CNBD1: variants seen among roughly 807,000 people sequenced by gnomAD.
The protein encoded by CNBD1 is cyclic nucleotide-binding domain-containing protein 1.
A neutral mutation model predicts 54.4 loss-of-function variants in CNBD1; 71 were observed. The ratio of observed to expected loss-of-function variants is 1.30; its 90% CI spans 1.08 to 1.59. The LOEUF (loss-of-function observed/expected upper bound fraction) is 1.59, where lower values mean the gene tolerates loss of function less well. Ranked by LOEUF, CNBD1 falls within the 40% of genes most tolerant of loss-of-function variation. The pLI is 0.00. For missense variants in CNBD1, 659 were observed against 518.0 expected (o/e 1.27, Z -2.64); for synonymous variants, 182 against 170.7 (o/e 1.07, Z -0.51).
intron 4 of CNBD1, among the ~76,000 whole-genome samples, chr8:87,188,663 T>A (rs1784615217): frequency 6.6e-6 from 1 of 151,164 alleles, no homozygotes; most frequent in South Asian, 2.1e-4. Flanking sequence ...GAGGTGGAGG[T>A]TGCAGTGAGC....
At chr8:87,418,235 A>G (rs1000694682) in intron 2 of CNBD1, among the ~76,000 whole-genome samples, 20 of 151,992 alleles carry the variant, frequency 1.3e-4, no homozygotes. Flanking sequence ...AAATAAACCC[A>G]CACATTTATG....
intron 4 of CNBD1, among the ~76,000 whole-genome samples, chr8:87,149,639 TG>T (rs1812561601): frequency 6.6e-6 from 1 of 152,146 alleles, no homozygotes; most frequent in South Asian, 2.1e-4. Context: ...TAATTGGACT[TG>T]GGGATGAGAC....
chr8:87,270,999 G>T (rs553752941), intron 6 of CNBD1, among the ~76,000 whole-genome samples: 80 of 151,762 alleles, frequency 5.3e-4, no homozygotes, highest in Middle Eastern at 3.4e-3. Flanking sequence ...TTCTATCTTG[G>T]TAGGTTATAT....
intron 4 of CNBD1, among the ~76,000 whole-genome samples, chr8:86,978,691 C>T (rs930057703): frequency 1.3e-5 from 2 of 151,768 alleles, no homozygotes; most frequent in African/African-American, 4.8e-5. Context: ...AACAGGCATG[C>T]TCCAACACGC....
chr8:87,098,055 AC>A (rs1164318817), intron 4 of CNBD1, among the ~76,000 whole-genome samples: 3 of 152,352 alleles, frequency 2.0e-5, no homozygotes, highest in Non-Finnish European at 4.4e-5. Context: ...ATGATCAACA[AC>A]TTTTACTGCA....
intron 4 of CNBD1, among the ~76,000 whole-genome samples, chr8:87,031,274 C>T (rs1809784800): frequency 6.6e-6 from 1 of 151,846 alleles, no homozygotes; most frequent in Non-Finnish European, 1.5e-5. Flanking sequence ...GCAAAAAGCA[C>T]TTAATTATTG....
At chr8:86,930,372 G>A (rs1809436520) in intron 3 of CNBD1, among the ~76,000 whole-genome samples, 1 of 152,134 alleles carries the variant, frequency 6.6e-6, no homozygotes, top group African/African-American at 2.4e-5. Flanking sequence ...CTGCTGGCAG[G>A]AGGCTTCCGA....
chr8:87,256,001 A>G (rs867625479), intron 6 of CNBD1, among the ~76,000 whole-genome samples: 1 of 16,530 alleles, frequency 6.0e-5, no homozygotes, highest in African/African-American at 2.9e-4. Flanking sequence ...ATATATATAT[A>G]TATATATATA....
chr8:87,376,387 C>A (rs529797449), intron 10 of CNBD1, among the ~76,000 whole-genome samples: 4 of 151,790 alleles, frequency 2.6e-5, no homozygotes, highest in African/African-American at 9.7e-5. Flanking sequence ...GCCCTCAGCA[C>A]CTAATTACTT....
chr8:86,932,631 T>C (rs1397823482), intron 3 of CNBD1, among the ~76,000 whole-genome samples: 1 of 152,146 alleles, frequency 6.6e-6, no homozygotes, highest in Non-Finnish European at 1.5e-5. Context: ...AGCTGTAATT[T>C]ATACTTCCCT....
At chr8:87,219,213 C>T (rs1379152203) in intron 5 of CNBD1, among the ~76,000 whole-genome samples, 7 of 151,990 alleles carry the variant, frequency 4.6e-5, no homozygotes, top group African/African-American at 1.2e-4. Context: ...TTCATTACTT[C>T]GACTATAAAA....
chr8:86,869,857 A>C (rs1232288729), intron 1 of CNBD1, among the ~76,000 whole-genome samples: 1 of 152,162 alleles, frequency 6.6e-6, no homozygotes, highest in African/African-American at 2.4e-5. Context: ...TATTTTAAAA[A>C]ATTTTTAATG....
chr8:86,870,352 G>A (rs944451162), intron 1 of CNBD1, among the ~76,000 whole-genome samples: 12 of 151,362 alleles, frequency 7.9e-5, no homozygotes, highest in Non-Finnish European at 1.8e-4. Context: ...TCGCAGCCAC[G>A]CCTGGCTAAT....
intron 4 of CNBD1, among the ~76,000 whole-genome samples, chr8:86,993,955 T>C (rs1266944575): frequency 6.6e-6 from 1 of 152,194 alleles, no homozygotes; most frequent in East Asian, 1.9e-4. Context: ...CTTTGTTAGA[T>C]GTTCTGGACT....
intron 4 of CNBD1, among the ~76,000 whole-genome samples, chr8:87,160,810 C>T (rs764421513): frequency 6.6e-6 from 1 of 151,962 alleles, no homozygotes; most frequent in South Asian, 2.1e-4. Context: ...CACAGTGCCC[C>T]ATGCCAGTTA....
chr8:87,391,690 G>A (rs1372286012), intron 2 of CNBD1, among the ~76,000 whole-genome samples: 3 of 151,918 alleles, frequency 2.0e-5, no homozygotes, highest in Non-Finnish European at 2.9e-5. Context: ...ACTCTAAATG[G>A]GTCGTAGAGA....
At chr8:87,267,627 A>C (rs898085749) in intron 6 of CNBD1, among the ~76,000 whole-genome samples, 2 of 152,178 alleles carry the variant, frequency 1.3e-5, no homozygotes, top group African/African-American at 4.8e-5. Context: ...TAAAAATATA[A>C]ATGTTCATCA....
intron 1 of CNBD1, among the ~76,000 whole-genome samples, chr8:86,884,119 T>A (rs1197876981): frequency 6.7e-6 from 1 of 149,798 alleles, no homozygotes; most frequent in African/African-American, 2.5e-5. Context: ...GCCACTGCAC[T>A]CCAGCCTGGG....
At chr8:87,009,702 A>G (rs914517284) in intron 4 of CNBD1, among the ~76,000 whole-genome samples, 2 of 152,070 alleles carry the variant, frequency 1.3e-5, no homozygotes, top group South Asian at 2.1e-4. Flanking sequence ...CTGCATTTCT[A>G]TGACTTAATA....
Sources: gnomAD v4.1 joint callset for allele counts (sites outside exome capture counted in the v4.1 genomes callset) on GRCh38, gnomAD v4.1.1 for gene constraint, MANE v1.5 for transcripts, NCBI Gene and HGNC (gene_info 2026-07-23, HGNC 2026-07-21) for gene names.